SCN9A: variants seen among roughly 807,000 people sequenced by gnomAD.
The protein encoded by SCN9A is sodium channel protein type 9 subunit alpha.
A neutral mutation model predicts 187.0 loss-of-function variants in SCN9A; 131 were observed. That is an observed-to-expected ratio of 0.70 (90% CI 0.61 to 0.81). The LOEUF is 0.81. SCN9A is among the 30% of genes least tolerant of loss of function. The probability of loss-of-function intolerance (pLI) is 0.00; values close to 1 mark genes in which losing one functional copy is unlikely to be tolerated. For synonymous variants in SCN9A, 809 were observed against 808.6 expected, an observed-to-expected ratio of 1.00 and a Z score of -0.01; for missense variants, 2,252 against 2,396.6, an observed-to-expected ratio of 0.94 and a Z score of 1.26.
Position 166,224,288 on chromosome 2 carries a change from TAAATGTA to T in SCN9A, c.4398+2272_4398+2278del, listed in dbSNP as rs1694752837. Among the ~76,000 whole-genome samples the T allele has an allele frequency of 2.0e-5, 3 of 152,164 alleles. No homozygotes were observed. The South Asian group carries it at 6.2e-4, about 32-fold the overall frequency. On this transcript the variant is annotated intron_variant, in intron 24 of 26. Transcript: ENST00000642356. The stretch of plus-strand genomic sequence containing the variant: ...AAATTGAAAATCAGTGTACACTTTA[TAAATGTA>T]AAATGGAACATGAAATTTAAAAATC...
intron 22 of SCN9A, 58 bp downstream of exon 22, chr2:166,228,631 CTT>C (rs58519838): frequency 0.77 from 1,024,140 of 1,333,724 alleles, 395,444 homozygotes; most frequent in Middle Eastern, 0.82. Flanking sequence ...TAAAGAATAA[CTT>C]ATATCCTTCG....
intron 19 of SCN9A, among the ~76,000 whole-genome samples, chr2:166,242,132 A>C (rs1289850628): frequency 6.6e-6 from 1 of 152,154 alleles, no homozygotes; most frequent in East Asian, 1.9e-4. Context: ...CTCAAAGAGC[A>C]ATATATAACA....
intron 1 of SCN9A, among the ~76,000 whole-genome samples, chr2:166,355,965 G>T (rs1212191428): frequency 2.0e-5 from 3 of 152,056 alleles, no homozygotes; most frequent in Non-Finnish European, 4.4e-5. Context: ...TAGCGACAGG[G>T]TTTCACCATG....
chr2:166,236,301 C>T (rs1354084984), intron 20 of SCN9A, among the ~76,000 whole-genome samples: 2 of 151,730 alleles, frequency 1.3e-5, no homozygotes, highest in Non-Finnish European at 2.9e-5. Flanking sequence ...TAGAGGAAAC[C>T]TAAGATAACA....
At position 166,223,639 on chromosome 2, in the gene SCN9A, C is replaced by T. The variant is rs781465874; in HGVS notation, c.4398+2928G>A. On this transcript the variant is annotated intron_variant, in intron 24 of 26. Coordinates refer to ENST00000642356, the MANE Select transcript of SCN9A (RefSeq NM_001365536.1). ...TTCAATTATGCAAGATGAATAAGTT[C>T]TAGGGACTTCCTGTAGTACTTCGTA... is the stretch of plus-strand genomic sequence containing the variant. Among the ~76,000 whole-genome samples, 5 of 152,122 alleles carry T rather than the reference C, an allele frequency of 3.3e-5. No homozygotes were observed. In the South Asian group the frequency reaches 8.3e-4, roughly 25 times the overall value.
rs903614051 is a variant in SCN9A, at chr2:166,243,430, G to A, written c.3473-774C>T. Among the ~76,000 whole-genome samples the A allele has an allele frequency of 7.9e-5, 12 of 152,000 alleles. No individual in the cohort carries two copies. In the East Asian group the frequency reaches 2.3e-3, roughly 29 times the overall value. The stretch of plus-strand genomic sequence containing the variant: ...AAATAAATGACTATAACTAGATATG[G>A]CAACTAAAGTGACAGATAGTCAGGG... On this transcript the variant is annotated intron_variant, in intron 18 of 26. Coordinates refer to ENST00000642356, the MANE Select transcript of SCN9A (RefSeq NM_001365536.1).
In SCN9A at chr2:166,272,832, G is replaced by T; in HGVS notation, c.2918C>A (p.Ser973Ter). The T allele has an allele frequency of 6.6e-7, 1 of 1,511,260 alleles. No homozygotes were observed. The highest frequency in any genetic ancestry group is 8.8e-7 in the Non-Finnish European group (1 of 1,133,268). The allele number at this position is 1,511,260 out of a possible 1,614,324, so 93.6% of individuals were successfully genotyped here. A position where few individuals can be genotyped will look rare whatever the true frequency, so the allele number is the denominator to read the frequency against. ...FLALLLSSFS[S>*]DNLTAIEEDP... ...TTCTTCAATTGCTGTAAGATTGTCT[G>T]AACTAAATGAGCTCAATAATAAGGC... The change falls in exon 17 of 27, where the codon TCA becomes TAA. Residue 973 changes from serine (S) to a stop codon, truncating the protein, a stop_gained. Coordinates refer to ENST00000642356, the MANE Select transcript of SCN9A (RefSeq NM_001365536.1). LOFTEE classifies it high-confidence loss of function.
At chr2:166,311,871 A>G in intron 1 of SCN9A, 65 bp from the exon 2 acceptor site, 2 of 949,652 alleles carry the variant, frequency 2.1e-6, no homozygotes, top group Non-Finnish European at 1.5e-6. Flanking sequence ...ATTAAAAACT[A>G]ATAATAACAA....
chr2:166,290,241 T>C (rs1697982722), intron 9 of SCN9A, among the ~76,000 whole-genome samples: 1 of 152,168 alleles, frequency 6.6e-6, no homozygotes, highest in South Asian at 2.1e-4. Context: ...GTAAAGGACA[T>C]GATCTCATTC....
Position 166,340,904 on chromosome 2 carries a change from T to G in SCN9A, c.-50-29098A>C, listed in dbSNP as rs76740831. Among the ~76,000 whole-genome samples, 585 of 152,272 alleles carry G rather than the reference T, an allele frequency of 3.8e-3. 18 individuals carry two copies. The East Asian group carries it at 0.076, about 20-fold the overall frequency. On this transcript the variant is annotated intron_variant, in intron 1 of 26. Coordinates refer to ENST00000642356, the MANE Select transcript of SCN9A (RefSeq NM_001365536.1). Reference sequence around the variant, plus strand: ...TCCCAAAGTGCTGGGATTGCAGGCATGAGCCGTCCTGCCTGGCTTTGAAGT... The same window carrying G: ...TCCCAAAGTGCTGGGATTGCAGGCAGGAGCCGTCCTGCCTGGCTTTGAAGT...
chr2:166,284,888 A>G lies in SCN9A; in HGVS notation c.1603-64T>C, dbSNP rs371140045. The G allele has an allele frequency of 2.3e-5, 34 of 1,481,462 alleles. No homozygotes were observed. The South Asian group carries it at 3.9e-4, about 17-fold the overall frequency. 91.8% of individuals were successfully genotyped at this position (1,481,462 alleles called of 1,614,324 possible). A position where few individuals can be genotyped will look rare whatever the true frequency, so the allele number is the denominator to read the frequency against. ...CTACTGATAGAAGTACACTTCATAT[A>G]AATACCACTGAACCCACTGGCCTGA... On this transcript the variant is annotated intron_variant, in intron 11 of 26. Transcript: ENST00000642356.
rs546514707 is a variant in SCN9A, at chr2:166,279,113, G to A, written c.2344-800C>T. 2.5e-4 allele frequency among the ~76,000 whole-genome samples: 38 copies of A among 152,202 alleles called. 1 individual carries two copies. The South Asian group carries it at 3.5e-3, about 14-fold the overall frequency. Reference sequence around the variant, plus strand: ...TTTCTGAGTTCACAGGGATGCAGTCGTCTCAGTGAGAAGGTACTTATTTGC... The same window carrying A: ...TTTCTGAGTTCACAGGGATGCAGTCATCTCAGTGAGAAGGTACTTATTTGC... On this transcript the variant is annotated intron_variant, in intron 14 of 26. Transcript: ENST00000642356.
intron 15 of SCN9A, chr2:166,277,723 T>TA (rs1419366730): frequency 1.4e-5 from 3 of 214,926 alleles, no homozygotes; most frequent in Non-Finnish European, 2.7e-5. Flanking sequence ...GAATGTGCTT[T>TA]AAAAAGTCTT....
chr2:166,295,464 T>C (rs1574887185), intron 7 of SCN9A, among the ~76,000 whole-genome samples: 1 of 152,168 alleles, frequency 6.6e-6, no homozygotes, highest in South Asian at 2.1e-4. Context: ...GGCTATGTGG[T>C]ATAGCCTATT....
intron 23 of SCN9A, 54 bp from the exon 24 acceptor site, chr2:166,226,758 T>C: frequency 1.4e-6 from 2 of 1,383,092 alleles, no homozygotes; most frequent in Admixed American, 5.6e-5. Flanking sequence ...CATTATTTTC[T>C]TTTTCACATG....
intron 7 of SCN9A, among the ~76,000 whole-genome samples, chr2:166,298,069 G>A (rs62178523): frequency 6.6e-6 from 1 of 151,976 alleles, no homozygotes; most frequent in Admixed American, 6.5e-5. Context: ...TATCCCCAAC[G>A]AAGGGCAAAT....
intron 17 of SCN9A, among the ~76,000 whole-genome samples, chr2:166,256,727 C>T (rs1696293165): frequency 1.3e-5 from 2 of 150,820 alleles, no homozygotes; most frequent in African/African-American, 2.4e-5. Context: ...ACTTATTCAG[C>T]GTGAAACACA....
At chr2:166,220,403 G>A (rs1302663358) in intron 24 of SCN9A, among the ~76,000 whole-genome samples, 1 of 152,110 alleles carries the variant, frequency 6.6e-6, no homozygotes, top group Non-Finnish European at 1.5e-5. Context: ...CATTAATGCT[G>A]TTATCTCAGG....
intron 20 of SCN9A, among the ~76,000 whole-genome samples, chr2:166,237,213 T>C (rs1340477502): frequency 1.3e-5 from 2 of 151,326 alleles, no homozygotes; most frequent in African/African-American, 4.8e-5. Flanking sequence ...ATAAAATAAT[T>C]AGAGTACATT....
Sources: gnomAD v4.1 joint callset for allele counts (sites outside exome capture counted in the v4.1 genomes callset) on GRCh38, gnomAD v4.1.1 for gene constraint, MANE v1.5 for transcripts, NCBI Gene and HGNC (gene_info 2026-07-23, HGNC 2026-07-21) for gene names.